The following ZNF451 variants were observed in gnomAD, a reference collection of about 807,000 sequenced individuals.
ZNF451 encodes the protein E3 SUMO-protein ligase ZNF451.
Under a neutral mutation model 107.1 loss-of-function variants are expected in ZNF451, and 80 were observed. The ratio of observed to expected loss-of-function variants is 0.75; its 90% CI spans 0.62 to 0.90. The LOEUF (loss-of-function observed/expected upper bound fraction) is 0.90, where lower values mean the gene tolerates loss of function less well. ZNF451 is among the 40% of genes least tolerant of loss of function. The probability of loss-of-function intolerance (pLI) is 0.00; values close to 1 mark genes in which losing one functional copy is unlikely to be tolerated. For synonymous variants in ZNF451, 362 were observed against 406.5 expected (o/e 0.89, Z 1.32); for missense variants, 1,107 against 1,236.2 (o/e 0.90, Z 1.57).
intron 3 of ZNF451, among the ~76,000 whole-genome samples, chr6:57,119,402 G>A (rs1830527221): frequency 1.3e-5 from 2 of 152,076 alleles, no homozygotes; most frequent in Non-Finnish European, 2.9e-5. Context: ...GCACGCGCCT[G>A]CAATCTCAGC....
intron 3 of ZNF451, chr6:57,109,014 A>G: frequency 1.0e-6 from 1 of 985,408 alleles, no homozygotes; most frequent in Non-Finnish European, 1.2e-6. Context: ...AATTTTACAT[A>G]CACAAATCTT....
intron 7 of ZNF451, among the ~76,000 whole-genome samples, chr6:57,138,090 G>A (rs549559108): frequency 2.0e-4 from 30 of 152,084 alleles, no homozygotes; most frequent in African/African-American, 3.1e-4. Flanking sequence ...GTAAAAATAC[G>A]TTTTAATTCC....
intron 11 of ZNF451, 132 bp downstream of exon 11, chr6:57,150,994 T>G: frequency 9.3e-7 from 1 of 1,079,606 alleles, no homozygotes; most frequent in Non-Finnish European, 1.3e-6. Flanking sequence ...TTTTGTATTA[T>G]AGTTACTCTG....
chr6:57,168,445 T>G lies in ZNF451; in HGVS notation c.3162T>G (p.Ile1054Met). 6.2e-7 allele frequency: 1 copy of G among 1,608,876 alleles called. No homozygotes were observed. Among genetic ancestry groups the G allele is most frequent in the Non-Finnish European group, 8.5e-7 (1 of 1,177,520 alleles). Residue 1054 changes from isoleucine (I) to methionine (M), a missense_variant, in exon 15 of 15, where the codon ATT becomes ATG. Ile to Met is a conservative substitution (Grantham distance 10). Coordinates refer to ENST00000370706, the MANE Select transcript of ZNF451 (RefSeq NM_001031623.3). ...STEDVELEEA[I>M]RRSLEEM Reference sequence around the variant, plus strand: ...CAGATGTGGAATTAGAAGAAGCTATTAGAAGAAGTCTTGAGGAAATGTAAT... The same window carrying G: ...CAGATGTGGAATTAGAAGAAGCTATGAGAAGAAGTCTTGAGGAAATGTAAT...
chr6:57,167,335 G>T (rs1435012097), intron 14 of ZNF451, among the ~76,000 whole-genome samples: 1 of 151,930 alleles, frequency 6.6e-6, no homozygotes, highest in Non-Finnish European at 1.5e-5. Flanking sequence ...CTGTTCCTTT[G>T]GTCTATTTAT....
chr6:57,095,449 C>T (rs982774896), intron 2 of ZNF451, among the ~76,000 whole-genome samples: 10 of 151,048 alleles, frequency 6.6e-5, no homozygotes, highest in African/African-American at 2.4e-4. Flanking sequence ...TCTGCTGCCT[C>T]AGCCTCCCAA....
chr6:57,120,258 AT>A (rs1830575617), intron 3 of ZNF451, among the ~76,000 whole-genome samples: 1 of 152,166 alleles, frequency 6.6e-6, no homozygotes, highest in African/African-American at 2.4e-5. Flanking sequence ...TGATAGCTCA[AT>A]TCTTTTTAGC....
chr6:57,099,057 A>G lies in ZNF451; in HGVS notation c.106-4A>G. On this transcript the variant is annotated splice_region_variant and splice_polypyrimidine_tract_variant and intron_variant, in intron 2 of 14. Coordinates refer to ENST00000370706, the MANE Select transcript of ZNF451 (RefSeq NM_001031623.3). ...GACTTCTAAATTTGCTTGATTGTTTATAGGAAGGACCATTACGACCTGTTC... is the reference window on the plus strand; with the variant it reads ...GACTTCTAAATTTGCTTGATTGTTTGTAGGAAGGACCATTACGACCTGTTC... The G allele has an allele frequency of 1.2e-6, 2 of 1,612,436 alleles. No homozygotes were observed. Among genetic ancestry groups the G allele is most frequent in the East Asian group, 2.2e-5 (1 of 44,832 alleles).
Position 57,147,790 on chromosome 6 carries a change from G to A in ZNF451, c.1705G>A (p.Glu569Lys). 1 of 1,613,906 alleles carries A rather than the reference G, an allele frequency of 6.2e-7. No homozygotes were observed. Among genetic ancestry groups the A allele is most frequent in the Admixed American group, 1.7e-5 (1 of 60,016 alleles). ...TTATGAGATGGATGAGGTAGAAGGTGAAACTTTGCCATCATCCTCTACAAC... is the reference window on the plus strand; with the variant it reads ...TTATGAGATGGATGAGGTAGAAGGTAAAACTTTGCCATCATCCTCTACAAC... ...YFYEMDEVEG[E>K]TLPSSSTTLD... The change falls in exon 10 of 15, where the codon GAA becomes AAA. Residue 569 changes from glutamate to lysine, a missense_variant. Transcript: ENST00000370706.
intron 3 of ZNF451, chr6:57,106,879 G>A (rs1337283811): frequency 2.1e-6 from 2 of 961,112 alleles, no homozygotes; most frequent in Non-Finnish European, 2.5e-6. Flanking sequence ...GGTGATTATT[G>A]TATTGAATGC....
intron 7 of ZNF451, among the ~76,000 whole-genome samples, chr6:57,138,257 T>C (rs1016793478): frequency 7.3e-5 from 11 of 151,612 alleles, no homozygotes; most frequent in African/African-American, 2.7e-4. Context: ...AATGGTATTT[T>C]GGTTCTGCCT....
chr6:57,108,741 C>G (rs1379675613), intron 3 of ZNF451: 10 of 985,334 alleles, frequency 1.0e-5, no homozygotes, highest in Non-Finnish European at 1.2e-5. Context: ...CATCTTCCTG[C>G]CTGGGAAGGC....
intron 10 of ZNF451, among the ~76,000 whole-genome samples, chr6:57,150,072 A>G (rs897927957): frequency 4.6e-5 from 7 of 152,162 alleles, no homozygotes; most frequent in South Asian, 2.1e-4. Flanking sequence ...AGTATGAAAC[A>G]AGATAAAGGG....
At chr6:57,138,980 A>G (rs1375776206) in intron 7 of ZNF451, among the ~76,000 whole-genome samples, 2 of 151,670 alleles carry the variant, frequency 1.3e-5, no homozygotes, top group South Asian at 2.1e-4. Context: ...CTGTTGAGCA[A>G]ATCATTTAAA....
intron 3 of ZNF451, chr6:57,103,055 A>C (rs1829682747): frequency 1.0e-6 from 1 of 985,358 alleles, no homozygotes. Flanking sequence ...TTGATAGTGC[A>C]TCACACTCTA....
intron 13 of ZNF451, chr6:57,158,435 A>T (rs1157036928): frequency 1.2e-6 from 1 of 844,874 alleles, no homozygotes; most frequent in African/African-American, 1.8e-5. Context: ...TTATATGCTG[A>T]ATATAGCCAA....
intron 9 of ZNF451, among the ~76,000 whole-genome samples, chr6:57,143,490 A>G (rs1831885521): frequency 6.6e-6 from 1 of 152,246 alleles, no homozygotes; most frequent in African/African-American, 2.4e-5. Context: ...ATCTTTGTCT[A>G]GCTCTTAAAG....
intron 3 of ZNF451, chr6:57,103,022 C>G: frequency 6.1e-6 from 6 of 985,412 alleles, no homozygotes; most frequent in Non-Finnish European, 6.0e-6. Flanking sequence ...AACCTACCTT[C>G]TAAACATTTA....
intron 2 of ZNF451, among the ~76,000 whole-genome samples, chr6:57,094,882 A>G (rs1486291914): frequency 6.6e-6 from 1 of 152,222 alleles, no homozygotes; most frequent in Non-Finnish European, 1.5e-5. Flanking sequence ...AGAACCAAGT[A>G]TACCCCACTC....
Sources: allele counts gnomAD v4.1 joint callset (sites outside exome capture counted in the v4.1 genomes callset), GRCh38; gene constraint gnomAD v4.1.1; transcripts MANE v1.5; gene names NCBI Gene and HGNC (gene_info 2026-07-23, HGNC 2026-07-21).